SDK1: variants seen among roughly 807,000 people sequenced by gnomAD.
SDK1 encodes the protein sidekick cell adhesion molecule 1.
In SDK1, 157 loss-of-function variants were observed where a neutral mutation model predicts 245.5. That is an observed-to-expected ratio of 0.64 (90% CI 0.56 to 0.73). The LOEUF (loss-of-function observed/expected upper bound fraction) is 0.73. Among genes scored for constraint, SDK1 ranks in the 30% least tolerant of loss-of-function variants. The probability of loss-of-function intolerance (pLI) is 0.00; values close to 1 mark genes in which losing one functional copy is unlikely to be tolerated. For synonymous variants in SDK1, 1,647 were observed against 1,278.5 expected (o/e 1.29, Z -6.15); for missense variants, 3,583 against 3,002.3 (o/e 1.19, Z -4.52).
intron 1 of SDK1, among the ~76,000 whole-genome samples, chr7:3,347,299 A>G (rs955976136): frequency 1.3e-5 from 2 of 152,038 alleles, no homozygotes; most frequent in Non-Finnish European, 2.9e-5. Flanking sequence ...TCTTTTGTAT[A>G]TGGAGCAGTA....
chr7:3,858,267 A>G (rs1047660998), intron 5 of SDK1, among the ~76,000 whole-genome samples: 1 of 152,136 alleles, frequency 6.6e-6, no homozygotes, highest in Non-Finnish European at 1.5e-5. Flanking sequence ...AACACAAAAG[A>G]TAAGTCAGGC....
chr7:3,443,948 A>C (rs1488810709), intron 1 of SDK1, among the ~76,000 whole-genome samples: 2 of 152,244 alleles, frequency 1.3e-5, no homozygotes, highest in Admixed American at 6.5e-5. Flanking sequence ...CAAATGGTTT[A>C]ATAACAAAAG....
intron 5 of SDK1, among the ~76,000 whole-genome samples, chr7:3,861,957 C>G (rs982499877): frequency 6.6e-6 from 1 of 152,144 alleles, no homozygotes; most frequent in South Asian, 2.1e-4. Flanking sequence ...GCAGAGCATC[C>G]TAGAAGACTC....
intron 5 of SDK1, among the ~76,000 whole-genome samples, chr7:3,947,549 T>A (rs1298268757): frequency 6.6e-6 from 1 of 151,580 alleles, no homozygotes; most frequent in African/African-American, 2.4e-5. Flanking sequence ...TGTGTGTGTG[T>A]GTGTGTGTGT....
chr7:3,898,046 A>G (rs895399871), intron 5 of SDK1, among the ~76,000 whole-genome samples: 2 of 152,118 alleles, frequency 1.3e-5, no homozygotes, highest in African/African-American at 4.8e-5. Flanking sequence ...CCCAATCAAC[A>G]TGACTGAGGT....
At chr7:3,437,668 A>T (rs1354826702) in intron 1 of SDK1, among the ~76,000 whole-genome samples, 1 of 152,106 alleles carries the variant, frequency 6.6e-6, no homozygotes. Flanking sequence ...TTCAGGGGGC[A>T]GGGCTAGGAG....
intron 1 of SDK1, among the ~76,000 whole-genome samples, chr7:3,566,638 A>G (rs1779929210): frequency 6.6e-6 from 1 of 151,948 alleles, no homozygotes. Flanking sequence ...AGATGACAGA[A>G]TGGAAAATGA....
At chr7:3,863,001 C>T (rs537865405) in intron 5 of SDK1, among the ~76,000 whole-genome samples, 2 of 152,166 alleles carry the variant, frequency 1.3e-5, no homozygotes, top group African/African-American at 4.8e-5. Flanking sequence ...TGCTCACTCA[C>T]CAGCAGCTCG....
At chr7:3,559,948 A>T (rs10272876) in intron 1 of SDK1, among the ~76,000 whole-genome samples, 36,661 of 152,076 alleles carry the variant, frequency 0.24, 4,647 homozygotes, top group East Asian at 0.36. Flanking sequence ...AAAAGTACTC[A>T]GCACCTCACA....
intron 22 of SDK1, among the ~76,000 whole-genome samples, chr7:4,094,998 A>T (rs1414699015): frequency 2.6e-5 from 4 of 152,194 alleles, no homozygotes; most frequent in Non-Finnish European, 5.9e-5. Context: ...AACATTTTGG[A>T]TCAGCAGAAA....
chr7:4,078,705 T>A (rs2128178119), intron 21 of SDK1, among the ~76,000 whole-genome samples: 1 of 152,282 alleles, frequency 6.6e-6, no homozygotes, highest in East Asian at 1.9e-4. Context: ...TTTGAACTCA[T>A]AATGCTACAA....
At chr7:4,088,688 G>A (rs916789324) in intron 22 of SDK1, among the ~76,000 whole-genome samples, 4 of 151,952 alleles carry the variant, frequency 2.6e-5, no homozygotes, top group East Asian at 1.9e-4. Flanking sequence ...TCACTATTCC[G>A]GAGCTCCTGA....
intron 4 of SDK1, among the ~76,000 whole-genome samples, chr7:3,741,038 C>A (rs772797821): frequency 6.6e-6 from 1 of 152,194 alleles, no homozygotes; most frequent in Non-Finnish European, 1.5e-5. Context: ...TGTTGCCTCC[C>A]TCTGGAGCCT....
At chr7:4,214,942 C>T (rs1364375124) in intron 38 of SDK1, among the ~76,000 whole-genome samples, 1 of 152,222 alleles carries the variant, frequency 6.6e-6, no homozygotes, top group Non-Finnish European at 1.5e-5. Flanking sequence ...GTTCCAGATC[C>T]CTCCTGGCTT....
At chr7:4,226,554 A>G (rs182367138) in intron 40 of SDK1, among the ~76,000 whole-genome samples, 26 of 152,326 alleles carry the variant, frequency 1.7e-4, no homozygotes, top group Non-Finnish European at 3.4e-4. Flanking sequence ...AGCTAATGAA[A>G]TTAGCACCAG....
intron 17 of SDK1, 80 bp downstream of exon 17, chr7:4,017,432 A>T: frequency 7.7e-7 from 1 of 1,301,760 alleles, no homozygotes; most frequent in Admixed American, 2.5e-5. Context: ...GGAGTACGTT[A>T]GAAAGAAAAA....
intron 4 of SDK1, among the ~76,000 whole-genome samples, chr7:3,806,477 G>C (rs1314921255): frequency 1.3e-5 from 2 of 152,254 alleles, no homozygotes; most frequent in African/African-American, 2.4e-5. Flanking sequence ...AGAGCTCTGT[G>C]ATGCTCACCC....
At chr7:4,112,835 C>A (rs1459442491) in intron 23 of SDK1, among the ~76,000 whole-genome samples, 1 of 151,904 alleles carries the variant, frequency 6.6e-6, no homozygotes, top group Non-Finnish European at 1.5e-5. Flanking sequence ...GCTCATGCAA[C>A]CTCTGCTTCC....
At position 4,266,977 on chromosome 7, in the gene SDK1, A is replaced by C; in HGVS notation, c.*1593A>C. 1 of 985,550 alleles carries C rather than the reference A, an allele frequency of 1.0e-6. No homozygotes were observed. The highest frequency in any genetic ancestry group is 1.2e-6 in the Non-Finnish European group (1 of 830,004). The allele number at this position is 985,550 out of a possible 1,614,324, so 61.1% of individuals were successfully genotyped here. A position where few individuals can be genotyped will look rare whatever the true frequency, so the allele number is the denominator to read the frequency against. On this transcript the variant is annotated 3_prime_UTR_variant, in exon 45 of 45. Transcript: ENST00000404826. ...ACCCAGGAGCCAGTCTCCTGGCCAC[A>C]TGCAGAAAGTGTGGCCCCTGCTTAC...
Sources: allele counts gnomAD v4.1 joint callset (sites outside exome capture counted in the v4.1 genomes callset), GRCh38; gene constraint gnomAD v4.1.1; transcripts MANE v1.5; gene names NCBI Gene and HGNC (gene_info 2026-07-23, HGNC 2026-07-21).